The following NLGN1 variants were observed in gnomAD, a reference collection of about 807,000 sequenced individuals.
NLGN1 encodes neuroligin 1.
Under a neutral mutation model 65.5 loss-of-function variants are expected in NLGN1, and 12 were observed. That is an observed-to-expected ratio of 0.18 (90% CI 0.12 to 0.30). The LOEUF (loss-of-function observed/expected upper bound fraction) is 0.30. Ranked by LOEUF, NLGN1 falls within the 10% of genes least tolerant of loss-of-function variation. The pLI is 1.00. For synonymous variants in NLGN1, 350 were observed against 359.5 expected, an observed-to-expected ratio of 0.97 and a Z score of 0.30; for missense variants, 750 against 1,007.1, an observed-to-expected ratio of 0.74 and a Z score of 3.46.
At chr3:173,501,598 T>C (rs1297900955) in intron 2 of NLGN1, among the ~76,000 whole-genome samples, 1 of 151,566 alleles carries the variant, frequency 6.6e-6, no homozygotes, top group Non-Finnish European at 1.5e-5. Flanking sequence ...TAACAGACTT[T>C]GTCCAGTTTT....
intron 4 of NLGN1, among the ~76,000 whole-genome samples, chr3:174,074,869 A>G (rs996760840): frequency 6.6e-6 from 1 of 152,278 alleles, no homozygotes; most frequent in East Asian, 1.9e-4. Flanking sequence ...GCTGGCCACA[A>G]CTACCACTGA....
chr3:173,985,949 C>G (rs1158788282), intron 4 of NLGN1, among the ~76,000 whole-genome samples: 4 of 151,840 alleles, frequency 2.6e-5, no homozygotes, highest in Non-Finnish European at 5.9e-5. Flanking sequence ...GACTCCATCT[C>G]AAAAACAAAA....
At chr3:174,156,435 C>T (rs952255395) in intron 4 of NLGN1, among the ~76,000 whole-genome samples, 7 of 151,480 alleles carry the variant, frequency 4.6e-5, no homozygotes, top group Non-Finnish European at 8.8e-5. Context: ...TGCCCATTCT[C>T]GAAATGAAAG....
chr3:173,910,079 A>T (rs1739285424), intron 4 of NLGN1, among the ~76,000 whole-genome samples: 1 of 152,190 alleles, frequency 6.6e-6, no homozygotes, highest in Non-Finnish European at 1.5e-5. Context: ...CTCAGACTTT[A>T]TTCCAGGCAC....
intron 1 of NLGN1, among the ~76,000 whole-genome samples, chr3:173,425,353 C>CTT (rs35263919): frequency 4.0e-4 from 59 of 149,172 alleles, no homozygotes; most frequent in African/African-American, 1.4e-3. Flanking sequence ...TATGCAGAGG[C>CTT]TTTTTTTTTT....
intron 4 of NLGN1, among the ~76,000 whole-genome samples, chr3:174,106,910 T>C (rs1252629906): frequency 6.6e-6 from 1 of 151,528 alleles, no homozygotes; most frequent in African/African-American, 2.4e-5. Flanking sequence ...AGTTATATGA[T>C]GGCTACATAC....
chr3:173,978,693 C>T (rs1460606454), intron 4 of NLGN1, among the ~76,000 whole-genome samples: 3 of 151,476 alleles, frequency 2.0e-5, no homozygotes, highest in Non-Finnish European at 2.9e-5. Flanking sequence ...GTCAAATATT[C>T]CTGAGAATCG....
intron 4 of NLGN1, among the ~76,000 whole-genome samples, chr3:173,891,884 A>G (rs78697870): frequency 0.015 from 2,213 of 151,162 alleles, 50 homozygotes; most frequent in African/African-American, 0.051. Context: ...ACACTGCCTC[A>G]CACCTTGCGG....
chr3:174,195,821 A>T (rs1409066332), intron 4 of NLGN1, among the ~76,000 whole-genome samples: 1 of 152,148 alleles, frequency 6.6e-6, no homozygotes, highest in Non-Finnish European at 1.5e-5. Context: ...GGGGAAATTA[A>T]GTATAATCAG....
chr3:173,841,865 A>G (rs1027405892), intron 4 of NLGN1, among the ~76,000 whole-genome samples: 4 of 152,216 alleles, frequency 2.6e-5, no homozygotes, highest in African/African-American at 9.6e-5. Flanking sequence ...GTGACAGTTC[A>G]GAACCTCATT....
intron 4 of NLGN1, among the ~76,000 whole-genome samples, chr3:174,095,006 G>T (rs530268456): frequency 6.6e-6 from 1 of 152,160 alleles, no homozygotes; most frequent in African/African-American, 2.4e-5. Flanking sequence ...TACTGCCATT[G>T]TATCAAATGT....
chr3:173,974,576 G>A (rs1716999897), intron 4 of NLGN1, among the ~76,000 whole-genome samples: 1 of 151,924 alleles, frequency 6.6e-6, no homozygotes, highest in African/African-American at 2.4e-5. Flanking sequence ...GGTGGGAAGA[G>A]GTAGAAAAGA....
At chr3:174,145,568 G>A (rs917768582) in intron 4 of NLGN1, among the ~76,000 whole-genome samples, 1 of 151,774 alleles carries the variant, frequency 6.6e-6, no homozygotes, top group African/African-American at 2.4e-5. Flanking sequence ...AAACAAAAAG[G>A]CATTGAAAAA....
chr3:173,995,345 G>C (rs181617499), intron 4 of NLGN1, among the ~76,000 whole-genome samples: 13 of 152,194 alleles, frequency 8.5e-5, no homozygotes, highest in African/African-American at 2.9e-4. Context: ...CCTTCACAGG[G>C]ACATGGAAGA....
At chr3:174,146,893 A>G (rs1029987882) in intron 4 of NLGN1, among the ~76,000 whole-genome samples, 1 of 152,124 alleles carries the variant, frequency 6.6e-6, no homozygotes, top group Non-Finnish European at 1.5e-5. Context: ...TACAAAGTAG[A>G]CCTTTAAAAA....
chr3:174,197,929 G>A (rs1423076860), intron 4 of NLGN1, among the ~76,000 whole-genome samples: 1 of 151,846 alleles, frequency 6.6e-6, no homozygotes, highest in African/African-American at 2.4e-5. Context: ...ATCTAGTATT[G>A]ACATTTTGAT....
chr3:173,426,838 A>G (rs550360850), intron 1 of NLGN1, among the ~76,000 whole-genome samples: 10 of 152,216 alleles, frequency 6.6e-5, no homozygotes, highest in African/African-American at 2.2e-4. Context: ...TGTTGAACTC[A>G]TAGAATGAGT....
At chr3:173,410,159 C>T (rs1461652722) in intron 1 of NLGN1, among the ~76,000 whole-genome samples, 1 of 152,156 alleles carries the variant, frequency 6.6e-6, no homozygotes, top group Non-Finnish European at 1.5e-5. Context: ...GAGAGTAGTC[C>T]TGCTAGTCTA....
intron 3 of NLGN1, among the ~76,000 whole-genome samples, chr3:173,726,046 C>A (rs568173812): frequency 6.6e-6 from 1 of 152,130 alleles, no homozygotes; most frequent in South Asian, 2.1e-4. Context: ...GGGATGACAA[C>A]CCACCACCTT....
Sources: gnomAD v4.1 joint callset for allele counts (sites outside exome capture counted in the v4.1 genomes callset) on GRCh38, gnomAD v4.1.1 for gene constraint, MANE v1.5 for transcripts, NCBI Gene and HGNC (gene_info 2026-07-23, HGNC 2026-07-21) for gene names.